NEGR1: variants seen among roughly 807,000 people sequenced by gnomAD.
NEGR1 encodes the protein neuronal growth regulator 1.
In NEGR1, 10 loss-of-function variants were observed where a neutral mutation model predicts 40.9. The observed-to-expected ratio is 0.24, with a 90% confidence interval of 0.15 to 0.42. The LOEUF is 0.42. Ranked by LOEUF, NEGR1 falls within the 10% of genes least tolerant of loss-of-function variation. The pLI, the probability that NEGR1 is intolerant of heterozygous loss-of-function variation, is 1.00. For synonymous variants in NEGR1, 185 were observed against 166.8 expected, an observed-to-expected ratio of 1.11 and a Z score of -0.84; for missense variants, 352 against 438.9, an observed-to-expected ratio of 0.80 and a Z score of 1.77.
chr1:71,662,016 A>C (rs1166768274), intron 4 of NEGR1, among the ~76,000 whole-genome samples: 3 of 152,242 alleles, frequency 2.0e-5, no homozygotes, highest in African/African-American at 7.2e-5. Context: ...ACATATGTAG[A>C]GTTGTTAGCA....
intron 4 of NEGR1, among the ~76,000 whole-genome samples, chr1:71,648,128 A>T (rs1327860770): frequency 6.6e-6 from 1 of 151,994 alleles, no homozygotes; most frequent in Non-Finnish European, 1.5e-5. Context: ...AACTTTCTTA[A>T]AAGAATGCTT....
At chr1:72,163,490 A>G (rs1651662296) in intron 1 of NEGR1, among the ~76,000 whole-genome samples, 1 of 152,132 alleles carries the variant, frequency 6.6e-6, no homozygotes, top group Admixed American at 6.6e-5. Flanking sequence ...GTCAAGCTAT[A>G]AATCTGAAGA....
At chr1:71,673,985 T>C (rs1652524677) in intron 4 of NEGR1, among the ~76,000 whole-genome samples, 1 of 152,134 alleles carries the variant, frequency 6.6e-6, no homozygotes, top group Non-Finnish European at 1.5e-5. Context: ...GTATTAGTTT[T>C]ATATTAATAT....
At chr1:71,692,270 C>T (rs1653312039) in intron 4 of NEGR1, among the ~76,000 whole-genome samples, 1 of 150,890 alleles carries the variant, frequency 6.6e-6, no homozygotes, top group Non-Finnish European at 1.5e-5. Flanking sequence ...CTGAGTTGTT[C>T]CAAATAAGTG....
intron 6 of NEGR1, among the ~76,000 whole-genome samples, chr1:71,473,279 G>A (rs1313919518): frequency 6.6e-6 from 1 of 152,048 alleles, no homozygotes; most frequent in African/African-American, 2.4e-5. Flanking sequence ...ATAAGAAGAA[G>A]ATCTTAAAAG....
At chr1:71,829,627 G>C (rs1158283121) in intron 2 of NEGR1, among the ~76,000 whole-genome samples, 1 of 150,900 alleles carries the variant, frequency 6.6e-6, no homozygotes, top group Non-Finnish European at 1.5e-5. Context: ...TAGTCAGCTA[G>C]GAAAAACAAA....
chr1:72,046,522 C>A (rs1647003782), intron 1 of NEGR1, among the ~76,000 whole-genome samples: 1 of 151,450 alleles, frequency 6.6e-6, no homozygotes, highest in African/African-American at 2.4e-5. Context: ...GATAAATGAC[C>A]TGAAGCAACA....
intron 1 of NEGR1, among the ~76,000 whole-genome samples, chr1:72,196,769 A>G (rs1400406083): frequency 1.3e-5 from 2 of 151,796 alleles, no homozygotes; most frequent in Non-Finnish European, 2.9e-5. Context: ...CATTAAAAAA[A>G]AAAAAAAATC....
chr1:71,688,165 G>T (rs1246789402), intron 4 of NEGR1, among the ~76,000 whole-genome samples: 1 of 150,824 alleles, frequency 6.6e-6, no homozygotes, highest in Non-Finnish European at 1.5e-5. Context: ...CATACACAAA[G>T]TTTAATGACT....
At chr1:72,248,681 G>A (rs146782306) in intron 1 of NEGR1, among the ~76,000 whole-genome samples, 3 of 150,342 alleles carry the variant, frequency 2.0e-5, no homozygotes, top group East Asian at 2.0e-4. Flanking sequence ...CCACTGCAAC[G>A]TCTGCTTCCT....
At chr1:72,141,974 T>C (rs1650695454) in intron 1 of NEGR1, among the ~76,000 whole-genome samples, 1 of 151,144 alleles carries the variant, frequency 6.6e-6, no homozygotes, top group Admixed American at 6.6e-5. Context: ...AATAAAAAAG[T>C]CAGCAGCTAA....
At chr1:71,927,783 A>G (rs905991212) in intron 2 of NEGR1, among the ~76,000 whole-genome samples, 9 of 131,390 alleles carry the variant, frequency 6.8e-5, no homozygotes, top group Non-Finnish European at 1.6e-5. Context: ...CAGGCGTTTG[A>G]GACCAGCATG....
chr1:71,873,524 C>T (rs1449392405), intron 2 of NEGR1, among the ~76,000 whole-genome samples: 2 of 152,078 alleles, frequency 1.3e-5, no homozygotes, highest in Non-Finnish European at 2.9e-5. Context: ...AGGAAAATGA[C>T]ATCTTCCCTA....
At chr1:71,471,674 C>T (rs928549805) in intron 6 of NEGR1, among the ~76,000 whole-genome samples, 7 of 151,580 alleles carry the variant, frequency 4.6e-5, no homozygotes, top group East Asian at 1.9e-4. Context: ...AAAAAAAAGA[C>T]GTACTTTTAA....
intron 1 of NEGR1, among the ~76,000 whole-genome samples, chr1:71,951,957 G>A (rs927278004): frequency 2.6e-5 from 4 of 151,856 alleles, no homozygotes; most frequent in South Asian, 4.2e-4. Flanking sequence ...CATACAAGAC[G>A]GCTAAGTTAA....
intron 6 of NEGR1, among the ~76,000 whole-genome samples, chr1:71,585,688 CTTTTTTTTTT>C (rs563536438): frequency 8.9e-6 from 1 of 112,592 alleles, no homozygotes; most frequent in Non-Finnish European, 1.8e-5. Context: ...ACCTCTCCAT[CTTTTTTTTTT>C]TTTTTTTTTT....
chr1:71,703,982 A>G (rs1463320079), intron 3 of NEGR1, among the ~76,000 whole-genome samples: 6 of 152,142 alleles, frequency 3.9e-5, no homozygotes, highest in African/African-American at 7.2e-5. Flanking sequence ...AGAAATAAAA[A>G]TCATACAAAA....
intron 2 of NEGR1, among the ~76,000 whole-genome samples, chr1:71,933,218 C>T (rs1252766483): frequency 2.0e-5 from 3 of 151,860 alleles, no homozygotes; most frequent in Non-Finnish European, 2.9e-5. Context: ...GTTTTAAAAA[C>T]GTGAACAATA....
chr1:71,549,700 T>C (rs997056753), intron 6 of NEGR1, among the ~76,000 whole-genome samples: 4 of 151,668 alleles, frequency 2.6e-5, no homozygotes, highest in Admixed American at 6.6e-5. Context: ...AAGCAATGCA[T>C]AGAGAATTCC....
Sources: gnomAD v4.1 joint callset for allele counts (sites outside exome capture counted in the v4.1 genomes callset) on GRCh38, gnomAD v4.1.1 for gene constraint, MANE v1.5 for transcripts, NCBI Gene and HGNC (gene_info 2026-07-23, HGNC 2026-07-21) for gene names.